FAAH2: variants seen among roughly 807,000 people sequenced by gnomAD.
FAAH2 encodes the protein fatty-acid amide hydrolase 2.
FAAH2 carries 60 observed loss-of-function variants against 36.9 expected under a neutral mutation model. The ratio of observed to expected loss-of-function variants is 1.63; its 90% confidence interval spans 1.32 to 2.02. FAAH2 has a LOEUF of 2.02. FAAH2 is among the 30% of genes most tolerant of loss of function. The pLI is 0.00. For synonymous variants in FAAH2, 214 were observed against 143.8 expected (o/e 1.49, Z -3.49); for missense variants, 689 against 397.5 (o/e 1.73, Z -6.23).
At chrX:57,279,876 C>T in the FAAH2 span, among the ~76,000 whole-genome samples, 4 of 111,502 alleles carry the variant, frequency 3.6e-5, no homozygotes, top group Non-Finnish European at 7.5e-5. Flanking sequence ...AAACTCACAG[C>T]CAACATCATA....
the FAAH2 span, among the ~76,000 whole-genome samples, chrX:57,206,930 G>A: frequency 1.8e-5 from 2 of 111,550 alleles, no homozygotes; most frequent in Admixed American, 9.5e-5. Flanking sequence ...CAGTAACTAA[G>A]TCCTCTAAAG....
At chrX:57,487,377 T>C (rs2147295596) in intron 10 of FAAH2, among the ~76,000 whole-genome samples, 1 of 111,605 alleles carries the variant, frequency 9.0e-6, no homozygotes, top group East Asian at 2.8e-4. Context: ...TTGCAAATTA[T>C]ATAACGCCTG....
the FAAH2 span, among the ~76,000 whole-genome samples, chrX:57,218,953 A>G: frequency 9.0e-6 from 1 of 111,600 alleles, no homozygotes; most frequent in Non-Finnish European, 1.9e-5. Flanking sequence ...ATGGCCTGAA[A>G]GCTTAAGGAG....
upstream of FAAH2, among the ~76,000 whole-genome samples, chrX:57,285,972 A>T (rs1173343952): frequency 3.6e-5 from 4 of 111,963 alleles, no homozygotes; most frequent in Non-Finnish European, 5.6e-5. Flanking sequence ...GGATTCTGTC[A>T]TGAGAATAAG....
chrX:57,227,568 A>G, the FAAH2 span, among the ~76,000 whole-genome samples: 1 of 110,197 alleles, frequency 9.1e-6, no homozygotes, highest in African/African-American at 3.3e-5. Flanking sequence ...GGGGCAATGG[A>G]CTCCATGGGG....
the FAAH2 span, among the ~76,000 whole-genome samples, chrX:57,247,792 G>T: frequency 1.8e-5 from 2 of 112,145 alleles, no homozygotes; most frequent in Non-Finnish European, 3.8e-5. Flanking sequence ...AGCTGCATGG[G>T]AGGCAATAAA....
At chrX:57,268,952 T>C in the FAAH2 span, among the ~76,000 whole-genome samples, 6 of 111,699 alleles carry the variant, frequency 5.4e-5, no homozygotes, top group African/African-American at 1.9e-4. Context: ...GCAAGCTGAA[T>C]AAAGAATCAA....
chrX:57,375,019 C>G (rs1484358025), intron 5 of FAAH2, among the ~76,000 whole-genome samples: 2 of 110,790 alleles, frequency 1.8e-5, no homozygotes, highest in East Asian at 5.6e-4. Context: ...TTTAATGACA[C>G]AAGTCATTAA....
At chrX:57,453,635 G>C (rs959110707) in intron 10 of FAAH2, among the ~76,000 whole-genome samples, 1 of 109,987 alleles carries the variant, frequency 9.1e-6, no homozygotes, top group Non-Finnish European at 1.9e-5. Flanking sequence ...ACCCAAACCC[G>C]CCACTCATAG....
At chrX:57,387,662 T>A (rs1008998575) in intron 7 of FAAH2, among the ~76,000 whole-genome samples, 1 of 111,610 alleles carries the variant, frequency 9.0e-6, no homozygotes, top group African/African-American at 3.2e-5. Context: ...GCCTATATAA[T>A]CCCTGTCACT....
intron 7 of FAAH2, 26 bp downstream of exon 7, chrX:57,381,055 G>A: frequency 1.8e-6 from 2 of 1,082,191 alleles, no homozygotes; most frequent in South Asian, 2.1e-5. Context: ...ATTTGTTTAG[G>A]AATTATTTTT....
the FAAH2 span, among the ~76,000 whole-genome samples, chrX:57,238,257 C>T: frequency 1.8e-5 from 2 of 111,933 alleles, no homozygotes; most frequent in South Asian, 3.7e-4. Flanking sequence ...AAATGTCCAT[C>T]AATGGTAGAA....
At chrX:57,176,270 ATTGT>A in the FAAH2 span, among the ~76,000 whole-genome samples, 1 of 71,582 alleles carries the variant, frequency 1.4e-5, no homozygotes, top group Non-Finnish European at 2.2e-5. Context: ...ATTTCATGTA[ATTGT>A]TTTTTTTTTT....
the FAAH2 span, among the ~76,000 whole-genome samples, chrX:57,138,332 G>C: frequency 9.0e-6 from 1 of 111,030 alleles, no homozygotes; most frequent in African/African-American, 3.3e-5. Flanking sequence ...AACCAAATGG[G>C]TGTACAATAA....
At chrX:57,333,874 A>G (rs1203601353) in intron 4 of FAAH2, among the ~76,000 whole-genome samples, 1 of 112,155 alleles carries the variant, frequency 8.9e-6, no homozygotes, top group African/African-American at 3.2e-5. Context: ...AACTACACCT[A>G]GCATAATATT....
At chrX:57,266,524 C>T in the FAAH2 span, among the ~76,000 whole-genome samples, 1 of 112,688 alleles carries the variant, frequency 8.9e-6, no homozygotes, top group Non-Finnish European at 1.9e-5. Flanking sequence ...CTGCCACTGC[C>T]TTTGCAGTAG....
chrX:57,431,836 C>A, intron 7 of FAAH2, 82 bp from the exon 8 acceptor site: 2 of 763,090 alleles, frequency 2.6e-6, no homozygotes, highest in Non-Finnish European at 3.3e-6. Context: ...GCTTTCTGCT[C>A]TGCCATCTTG....
the FAAH2 span, among the ~76,000 whole-genome samples, chrX:57,151,476 C>G: frequency 0.03 from 3,378 of 111,228 alleles, 113 homozygotes; most frequent in African/African-American, 0.11. Flanking sequence ...ATTCTTTTTT[C>G]TCTAAACTTC....
chrX:57,329,343 G>T (rs752559368), intron 3 of FAAH2, among the ~76,000 whole-genome samples: 1 of 111,370 alleles, frequency 9.0e-6, no homozygotes, highest in Admixed American at 9.5e-5. Flanking sequence ...GCTCTGGTTG[G>T]CACAAGTCTG....
Sources: allele counts gnomAD v4.1 joint callset (sites outside exome capture counted in the v4.1 genomes callset), GRCh38; gene constraint gnomAD v4.1.1; transcripts MANE v1.5; gene names NCBI Gene and HGNC (gene_info 2026-07-23, HGNC 2026-07-21).